Variants in SGCZ observed in about 807,000 individuals in gnomAD.
SGCZ encodes zeta-sarcoglycan.
A neutral mutation model predicts 41.3 loss-of-function variants in SGCZ; 40 were observed. The ratio of observed to expected loss-of-function variants is 0.97; its 90% CI spans 0.75 to 1.26. The LOEUF is 1.26. Ranked by LOEUF, SGCZ falls within the 50% of genes most tolerant of loss-of-function variation. SGCZ has a pLI of 0.00. For missense variants in SGCZ, 552 were observed against 369.8 expected (o/e 1.49, Z -4.04); for synonymous variants, 206 against 137.5 (o/e 1.50, Z -3.49).
At chr8:14,150,650 G>C (rs1563155099) in intron 5 of SGCZ, among the ~76,000 whole-genome samples, 1 of 152,116 alleles carries the variant, frequency 6.6e-6, no homozygotes, top group Non-Finnish European at 1.5e-5. Context: ...GCTACCATAT[G>C]ATCCAGCAAT....
intron 3 of SGCZ, among the ~76,000 whole-genome samples, chr8:14,257,886 T>G (rs1319902976): frequency 1.3e-5 from 2 of 152,230 alleles, no homozygotes; most frequent in Non-Finnish European, 2.9e-5. Context: ...GATTATATTC[T>G]TATATTTGAA....
intron 2 of SGCZ, among the ~76,000 whole-genome samples, chr8:14,534,911 A>G (rs1383020269): frequency 1.3e-5 from 2 of 151,998 alleles, no homozygotes; most frequent in South Asian, 4.1e-4. Flanking sequence ...TCTCAGATCA[A>G]CATTACTGTT....
chr8:14,716,059 G>T (rs190399735), intron 1 of SGCZ, among the ~76,000 whole-genome samples: 1 of 152,016 alleles, frequency 6.6e-6, no homozygotes, highest in South Asian at 2.1e-4. Context: ...GAAATGCTTC[G>T]GAAAATACCA....
At chr8:14,688,262 C>A (rs1161405100) in intron 1 of SGCZ, among the ~76,000 whole-genome samples, 2 of 152,148 alleles carry the variant, frequency 1.3e-5, no homozygotes, top group Non-Finnish European at 2.9e-5. Flanking sequence ...GACATGAAGT[C>A]CTTGCCCATG....
chr8:15,049,671 G>C (rs1804444109), intron 1 of SGCZ, among the ~76,000 whole-genome samples: 1 of 152,122 alleles, frequency 6.6e-6, no homozygotes, highest in Non-Finnish European at 1.5e-5. Context: ...GTTAAAGTGA[G>C]AGATGGTGAT....
chr8:15,111,126 C>T (rs917195430), intron 1 of SGCZ, among the ~76,000 whole-genome samples: 3 of 152,062 alleles, frequency 2.0e-5, no homozygotes, highest in Admixed American at 6.5e-5. Context: ...ACCAGGGAAG[C>T]GGGGGCAGGG....
intron 1 of SGCZ, among the ~76,000 whole-genome samples, chr8:15,162,345 C>T (rs1224672798): frequency 6.6e-6 from 1 of 152,150 alleles, no homozygotes; most frequent in Non-Finnish European, 1.5e-5. Flanking sequence ...ACCTCTAACC[C>T]AAAGGAACAT....
chr8:14,699,520 G>A (rs575928638), intron 1 of SGCZ, among the ~76,000 whole-genome samples: 13 of 151,848 alleles, frequency 8.6e-5, no homozygotes, highest in South Asian at 2.1e-4. Flanking sequence ...AACTATAGAA[G>A]AAATTCTAGA....
chr8:14,445,005 G>A (rs1159587118), intron 2 of SGCZ, among the ~76,000 whole-genome samples: 2 of 152,134 alleles, frequency 1.3e-5, no homozygotes, highest in African/African-American at 4.8e-5. Context: ...ACTTTCCCCT[G>A]ATGTAGGACC....
At chr8:14,822,484 A>T (rs1188867999) in intron 1 of SGCZ, among the ~76,000 whole-genome samples, 2 of 152,174 alleles carry the variant, frequency 1.3e-5, no homozygotes. Context: ...ACAAAAAAGA[A>T]ATTCACATGG....
chr8:14,874,518 T>A (rs544652374), intron 1 of SGCZ, among the ~76,000 whole-genome samples: 2 of 152,288 alleles, frequency 1.3e-5, no homozygotes, highest in South Asian at 4.1e-4. Context: ...CACATAAATA[T>A]TGGCTTAAAT....
At chr8:14,319,211 A>C (rs1563254468) in intron 3 of SGCZ, among the ~76,000 whole-genome samples, 1 of 151,926 alleles carries the variant, frequency 6.6e-6, no homozygotes, top group Non-Finnish European at 1.5e-5. Flanking sequence ...GAAATGAAAA[A>C]AGTGAAATGG....
chr8:14,246,816 A>C (rs1408086382), intron 3 of SGCZ, among the ~76,000 whole-genome samples: 1 of 148,762 alleles, frequency 6.7e-6, no homozygotes, highest in African/African-American at 2.5e-5. Context: ...AGGCTGAGGC[A>C]GTAGAATGGC....
intron 2 of SGCZ, among the ~76,000 whole-genome samples, chr8:14,520,242 G>A (rs1434712742): frequency 1.3e-5 from 2 of 152,036 alleles, no homozygotes; most frequent in Admixed American, 6.6e-5. Context: ...ACAGAACACT[G>A]GGGAAAGGAT....
chr8:14,348,254 C>A (rs1001291817), intron 2 of SGCZ, among the ~76,000 whole-genome samples: 1 of 152,268 alleles, frequency 6.6e-6, no homozygotes, highest in African/African-American at 2.4e-5. Context: ...CCTTTTAAAT[C>A]TCTCCACTCA....
chr8:14,233,512 G>C (rs968483269), intron 4 of SGCZ, among the ~76,000 whole-genome samples: 1 of 149,980 alleles, frequency 6.7e-6, no homozygotes, highest in Non-Finnish European at 1.5e-5. Context: ...ATTATTATTA[G>C]TAGCGTTGTA....
chr8:15,001,763 A>C (rs950418813), intron 1 of SGCZ, among the ~76,000 whole-genome samples: 8 of 148,692 alleles, frequency 5.4e-5, no homozygotes, highest in Admixed American at 2.0e-4. Flanking sequence ...AGAAAAAAGG[A>C]GTTGAGTGTA....
chr8:14,464,953 G>A (rs769748862), intron 2 of SGCZ, among the ~76,000 whole-genome samples: 4 of 151,334 alleles, frequency 2.6e-5, no homozygotes, highest in Non-Finnish European at 5.9e-5. Context: ...ACTTTTTATG[G>A]TATCTATATT....
At chr8:14,987,076 T>C (rs1801846529) in intron 1 of SGCZ, among the ~76,000 whole-genome samples, 1 of 151,954 alleles carries the variant, frequency 6.6e-6, no homozygotes. Flanking sequence ...TAACTATTTG[T>C]TCTGCATAAA....
Sources: allele counts gnomAD v4.1 joint callset (sites outside exome capture counted in the v4.1 genomes callset), GRCh38; gene constraint gnomAD v4.1.1; transcripts MANE v1.5; gene names NCBI Gene and HGNC (gene_info 2026-07-23, HGNC 2026-07-21).